PLD5: variants seen among roughly 807,000 people sequenced by gnomAD.
The protein encoded by PLD5 is inactive phospholipase D5.
A neutral mutation model predicts 61.1 loss-of-function variants in PLD5; 36 were observed. The observed-to-expected ratio is 0.59, with a 90% CI of 0.45 to 0.78. The LOEUF is 0.78. PLD5 is among the 30% of genes least tolerant of loss of function. PLD5 has a pLI of 0.00. For synonymous variants in PLD5, 243 were observed against 242.8 expected, an observed-to-expected ratio of 1.00 and a Z score of -0.01; for missense variants, 515 against 644.4, an observed-to-expected ratio of 0.80 and a Z score of 2.17.
intron 6 of PLD5, among the ~76,000 whole-genome samples, chr1:242,114,842 G>A (rs571527608): frequency 3.9e-5 from 6 of 152,144 alleles, no homozygotes; most frequent in Admixed American, 6.5e-5. Context: ...ACAGTGAGTT[G>A]TATAGTTATT....
At chr1:242,446,085 TAAGAATTAAAA>T (rs1666523205) in intron 1 of PLD5, among the ~76,000 whole-genome samples, 1 of 151,988 alleles carries the variant, frequency 6.6e-6, no homozygotes, top group Admixed American at 6.5e-5. Flanking sequence ...AGAAGAAAGC[TAAGAATTAAAA>T]AGGTTTTAAA....
chr1:242,291,237 C>A (rs1325815618), intron 2 of PLD5, among the ~76,000 whole-genome samples: 1 of 152,054 alleles, frequency 6.6e-6, no homozygotes, highest in Non-Finnish European at 1.5e-5. Context: ...CTTCCTTATA[C>A]CCCCAAACTA....
At chr1:242,440,282 G>C (rs1205310707) in intron 1 of PLD5, among the ~76,000 whole-genome samples, 1 of 152,146 alleles carries the variant, frequency 6.6e-6, no homozygotes, top group Non-Finnish European at 1.5e-5. Flanking sequence ...ATAAGGTTTG[G>C]TTTCGCCAAG....
intron 1 of PLD5, among the ~76,000 whole-genome samples, chr1:242,361,191 T>G (rs1661045795): frequency 6.6e-6 from 1 of 152,152 alleles, no homozygotes; most frequent in Non-Finnish European, 1.5e-5. Flanking sequence ...ATTATTAAAT[T>G]CCATTAAAAG....
At chr1:242,184,422 T>C (rs371324709) in intron 5 of PLD5, among the ~76,000 whole-genome samples, 116 of 152,298 alleles carry the variant, frequency 7.6e-4, no homozygotes, top group African/African-American at 2.7e-3. Flanking sequence ...TCTTGCTCTG[T>C]CAACCAGGCT....
intron 2 of PLD5, among the ~76,000 whole-genome samples, chr1:242,293,035 T>G (rs1675456558): frequency 6.6e-6 from 1 of 152,230 alleles, no homozygotes; most frequent in Non-Finnish European, 1.5e-5. Flanking sequence ...TGGATAATGT[T>G]AACATCTCTT....
intron 1 of PLD5, among the ~76,000 whole-genome samples, chr1:242,383,071 A>T (rs4658481): frequency 0.45 from 68,253 of 151,930 alleles, 15,616 homozygotes; most frequent in East Asian, 0.59. Context: ...ATTCTCCTGC[A>T]CTTTCCCTTT....
Position 242,437,957 on chromosome 1 carries a change from G to A in PLD5, c.189+86131C>T, listed in dbSNP as rs574250446. ...TTGTTAAGCAACAAATGGTGCTATC[G>A]TAGAGAAGTATTACCTCTTCCTTTC... On this transcript the variant is annotated intron_variant, in intron 1 of 9. Transcript: ENST00000536534. 7.9e-5 allele frequency among the ~76,000 whole-genome samples: 12 copies of A among 152,302 alleles called. No homozygotes were observed. The South Asian group carries it at 8.3e-4, about 11-fold the overall frequency.
upstream of PLD5, among the ~76,000 whole-genome samples, chr1:242,526,174 AG>A (rs1464668813): frequency 6.6e-6 from 1 of 152,178 alleles, no homozygotes; most frequent in Non-Finnish European, 1.5e-5. Flanking sequence ...AGGAGGAGGC[AG>A]GAGGATCACT....
intron 5 of PLD5, among the ~76,000 whole-genome samples, chr1:242,154,701 G>T (rs3020841): frequency 1.3e-5 from 2 of 151,990 alleles, no homozygotes; most frequent in African/African-American, 2.4e-5. Context: ...AGCTCACTTG[G>T]TCATGGTGGA....
At chr1:242,437,694 A>G (rs115898978) in intron 1 of PLD5, among the ~76,000 whole-genome samples, 1 of 152,220 alleles carries the variant, frequency 6.6e-6, no homozygotes, top group Non-Finnish European at 1.5e-5. Context: ...CTCAAAAAAA[A>G]AAAATTTAGT....
chr1:242,459,052 G>T (rs982850610), intron 1 of PLD5, among the ~76,000 whole-genome samples: 1 of 152,278 alleles, frequency 6.6e-6, no homozygotes, highest in African/African-American at 2.4e-5. Context: ...CTCGGATGTG[G>T]AATTCTCAGT....
At chr1:242,309,395 T>C (rs996375386) in intron 2 of PLD5, among the ~76,000 whole-genome samples, 4 of 151,548 alleles carry the variant, frequency 2.6e-5, no homozygotes, top group African/African-American at 9.7e-5. Flanking sequence ...TTTCTTTTTT[T>C]TTTTTTTTTT....
intron 2 of PLD5, among the ~76,000 whole-genome samples, chr1:242,346,848 ACCATGTGT>A (rs1210122648): frequency 6.6e-6 from 1 of 152,014 alleles, no homozygotes; most frequent in African/African-American, 2.4e-5. Context: ...GTTGTTCCCC[ACCATGTGT>A]CCATGTGTTC....
chr1:242,255,393 C>T (rs1220617682), intron 4 of PLD5, among the ~76,000 whole-genome samples: 1 of 152,184 alleles, frequency 6.6e-6, no homozygotes, highest in African/African-American at 2.4e-5. Context: ...CCTCAATAAG[C>T]TATCCTCCAC....
chr1:242,487,001 A>C (rs1248038942), intron 1 of PLD5, among the ~76,000 whole-genome samples: 2 of 152,112 alleles, frequency 1.3e-5, no homozygotes, highest in African/African-American at 2.4e-5. Flanking sequence ...CATAGGTGGG[A>C]ATTGAACAAT....
intron 2 of PLD5, among the ~76,000 whole-genome samples, chr1:242,336,581 A>T (rs945365678): frequency 5.3e-5 from 8 of 152,216 alleles, no homozygotes; most frequent in African/African-American, 1.9e-4. Context: ...ACTGATACAT[A>T]AACATGCACA....
At chr1:242,244,780 G>C (rs1672265145) in intron 4 of PLD5, among the ~76,000 whole-genome samples, 1 of 152,190 alleles carries the variant, frequency 6.6e-6, no homozygotes, top group Non-Finnish European at 1.5e-5. Context: ...TGTTGAATGT[G>C]TATAAACTTC....
chr1:242,516,387 G>T (rs966870813), intron 1 of PLD5, among the ~76,000 whole-genome samples: 3 of 151,480 alleles, frequency 2.0e-5, no homozygotes, highest in Non-Finnish European at 4.4e-5. Flanking sequence ...AATAAATTGG[G>T]ATTATTAAAA....
Sources: allele counts gnomAD v4.1 joint callset (sites outside exome capture counted in the v4.1 genomes callset), GRCh38; gene constraint gnomAD v4.1.1; transcripts MANE v1.5; gene names NCBI Gene and HGNC (gene_info 2026-07-23, HGNC 2026-07-21).